The following TRPM6 variants were observed in gnomAD, a reference collection of about 807,000 sequenced individuals.
TRPM6 encodes transient receptor potential cation channel subfamily M member 6.
A neutral mutation model predicts 247.6 loss-of-function variants in TRPM6; 111 were observed. The ratio of observed to expected loss-of-function variants is 0.45; its 90% CI spans 0.38 to 0.52. The LOEUF (loss-of-function observed/expected upper bound fraction) is 0.52, where lower values mean the gene tolerates loss of function less well. Among genes scored for constraint, TRPM6 ranks in the 20% least tolerant of loss-of-function variants. TRPM6 has a pLI of 0.00. For synonymous variants in TRPM6, 892 were observed against 853.8 expected, an observed-to-expected ratio of 1.04 and a Z score of -0.78; for missense variants, 2,126 against 2,421.5, an observed-to-expected ratio of 0.88 and a Z score of 2.56.
intron 13 of TRPM6, among the ~76,000 whole-genome samples, chr9:74,808,430 T>C (rs1828611432): frequency 6.6e-6 from 1 of 152,142 alleles, no homozygotes; most frequent in African/African-American, 2.4e-5. Context: ...CTCTCTCTCT[T>C]ACTCTTGCTC....
intron 26 of TRPM6, 22 bp from the exon 27 acceptor site, chr9:74,761,830 G>A (rs1395999882): frequency 6.3e-7 from 1 of 1,575,672 alleles, no homozygotes; most frequent in East Asian, 2.2e-5. Flanking sequence ...TGGTCTACAT[G>A]AGAAAGTTGA....
At chr9:74,731,402 A>G (rs535598063) in intron 37 of TRPM6, among the ~76,000 whole-genome samples, 4 of 152,080 alleles carry the variant, frequency 2.6e-5, no homozygotes, top group Non-Finnish European at 5.9e-5. Context: ...AAAGTGAAAC[A>G]TAATAAAGTC....
intron 38 of TRPM6, 116 bp from the exon 39 acceptor site, chr9:74,724,862 C>G (rs1213047846): frequency 7.5e-7 from 1 of 1,335,276 alleles, no homozygotes; most frequent in Admixed American, 1.8e-5. Context: ...CTTCCTCAGA[C>G]CATAGATATG....
chr9:74,744,466 C>T (rs532126068), intron 31 of TRPM6, among the ~76,000 whole-genome samples: 3 of 152,278 alleles, frequency 2.0e-5, no homozygotes, highest in South Asian at 2.1e-4. Context: ...TCATACTTCA[C>T]GACATCCCAG....
At chr9:74,783,489 A>G (rs1461854660) in intron 21 of TRPM6, among the ~76,000 whole-genome samples, 4 of 152,212 alleles carry the variant, frequency 2.6e-5, no homozygotes, top group African/African-American at 9.6e-5. Context: ...TGTCCAGAGC[A>G]GTTAAAAGCC....
chr9:74,736,733 G>A (rs904900854), intron 36 of TRPM6, among the ~76,000 whole-genome samples: 3 of 152,132 alleles, frequency 2.0e-5, no homozygotes, highest in Non-Finnish European at 2.9e-5. Flanking sequence ...ATTTGGAGCG[G>A]CCTATTTCTG....
chr9:74,772,561 C>G (rs1265510038), intron 24 of TRPM6, among the ~76,000 whole-genome samples: 2 of 152,176 alleles, frequency 1.3e-5, no homozygotes, highest in East Asian at 3.9e-4. Context: ...ATAATCACAT[C>G]AGGGCAATTG....
intron 1 of TRPM6, chr9:74,887,104 G>GC: frequency 2.0e-6 from 1 of 511,708 alleles, no homozygotes; most frequent in Non-Finnish European, 3.1e-6. Flanking sequence ...CCCTCTCCAA[G>GC]CCCCCAGAAC....
intron 16 of TRPM6, among the ~76,000 whole-genome samples, chr9:74,800,975 A>C (rs570835296): frequency 6.7e-6 from 1 of 149,496 alleles, no homozygotes; most frequent in African/African-American, 2.5e-5. Context: ...CTGTGGAGTC[A>C]CTTGTTTTTT....
intron 28 of TRPM6, 46 bp from the exon 29 acceptor site, chr9:74,752,414 T>C: frequency 1.9e-6 from 2 of 1,078,104 alleles, no homozygotes; most frequent in Non-Finnish European, 2.8e-6. Context: ...GAAAATGTGT[T>C]ACATTCAAAT....
intron 14 of TRPM6, among the ~76,000 whole-genome samples, chr9:74,805,627 T>C (rs533297539): frequency 6.6e-6 from 1 of 152,320 alleles, no homozygotes; most frequent in East Asian, 1.9e-4. Flanking sequence ...ATTTGAAAGT[T>C]GAAGTTTAAG....
intron 21 of TRPM6, among the ~76,000 whole-genome samples, chr9:74,785,609 G>C (rs900310030): frequency 6.6e-6 from 1 of 151,918 alleles, no homozygotes; most frequent in African/African-American, 2.4e-5. Context: ...TGCAAGCTCC[G>C]CCTCCCGGGT....
intron 16 of TRPM6, among the ~76,000 whole-genome samples, chr9:74,801,129 G>T (rs990302825): frequency 7.2e-5 from 11 of 151,764 alleles, no homozygotes; most frequent in African/African-American, 2.7e-4. Flanking sequence ...GTAGAGACAG[G>T]GTCTTGCTGT....
chr9:74,860,844 C>T (rs1049669133), intron 1 of TRPM6, among the ~76,000 whole-genome samples: 6 of 152,036 alleles, frequency 3.9e-5, no homozygotes, highest in Non-Finnish European at 5.9e-5. Flanking sequence ...ATGGTGAAAC[C>T]CTGTCTCTAC....
chr9:74,843,945 T>C (rs1023492319), intron 3 of TRPM6, among the ~76,000 whole-genome samples: 6 of 152,142 alleles, frequency 3.9e-5, no homozygotes, highest in African/African-American at 1.4e-4. Context: ...CCATAAGAGC[T>C]CTTGGGTGAC....
intron 4 of TRPM6, among the ~76,000 whole-genome samples, chr9:74,841,701 C>T (rs1048833672): frequency 2.0e-5 from 3 of 152,058 alleles, no homozygotes; most frequent in South Asian, 2.1e-4. Flanking sequence ...GATGGGTTTT[C>T]GCCATGTTGG....
chr9:74,777,751 C>T (rs979270493), intron 23 of TRPM6, among the ~76,000 whole-genome samples: 4 of 152,100 alleles, frequency 2.6e-5, no homozygotes, highest in Non-Finnish European at 5.9e-5. Flanking sequence ...AGAAAATAGA[C>T]GTAGCTGCCA....
In TRPM6 at chr9:74,882,984, A is replaced by C. The variant is rs148341154; in HGVS notation, c.33+4840T>G. On this transcript the variant is annotated intron_variant, in intron 1 of 38. Transcript: ENST00000360774. Reference sequence around the variant, plus strand: ...AATCTCCAGAACTTTTTCATCTCGAAAAACTGAAACTCTATACCCATTAAA... The same window carrying C: ...AATCTCCAGAACTTTTTCATCTCGACAAACTGAAACTCTATACCCATTAAA... Among the ~76,000 whole-genome samples, 392 of 152,322 alleles carry C rather than the reference A, an allele frequency of 2.6e-3. 7 individuals are homozygous for C. The highest frequency in any genetic ancestry group is 8.8e-3 in the African/African-American group (366 of 41,582).
chr9:74,739,236 G>A, intron 35 of TRPM6, 131 bp downstream of exon 35: 1 of 929,202 alleles, frequency 1.1e-6, no homozygotes, highest in Non-Finnish European at 1.8e-6. Context: ...CGAAATTATG[G>A]AAGGAAGAAT....
Sources: gnomAD v4.1 joint callset for allele counts (sites outside exome capture counted in the v4.1 genomes callset) on GRCh38, gnomAD v4.1.1 for gene constraint, MANE v1.5 for transcripts, NCBI Gene and HGNC (gene_info 2026-07-23, HGNC 2026-07-21) for gene names.